Variants in PTPRG observed in about 807,000 individuals in gnomAD.
The protein encoded by PTPRG is receptor-type tyrosine-protein phosphatase gamma.
In PTPRG, 102 loss-of-function variants were observed where a neutral mutation model predicts 165.3. That is an observed-to-expected ratio of 0.62 (90% CI 0.53 to 0.73). The LOEUF is 0.73. Ranked by LOEUF, PTPRG falls within the 30% of genes least tolerant of loss-of-function variation. The pLI is 0.00. For missense variants in PTPRG, 1,866 were observed against 1,861.4 expected, an observed-to-expected ratio of 1.00 and a Z score of -0.05; for synonymous variants, 675 against 669.5, an observed-to-expected ratio of 1.01 and a Z score of -0.13.
intron 2 of PTPRG, among the ~76,000 whole-genome samples, chr3:61,893,313 T>A (rs1159996692): frequency 6.6e-6 from 1 of 152,228 alleles, no homozygotes; most frequent in Non-Finnish European, 1.5e-5. Flanking sequence ...CCAATTCCTT[T>A]GGTAATAAGT....
intron 1 of PTPRG, among the ~76,000 whole-genome samples, chr3:61,602,414 G>T (rs747726723): frequency 7.8e-4 from 118 of 152,092 alleles, no homozygotes; most frequent in Non-Finnish European, 3.7e-4. Context: ...GACCAGTCAA[G>T]TGTCCAGCTA....
chr3:62,187,560 G>A (rs1023622625), intron 8 of PTPRG, among the ~76,000 whole-genome samples: 7 of 152,218 alleles, frequency 4.6e-5, no homozygotes, highest in Non-Finnish European at 5.9e-5. Context: ...CATACTATCT[G>A]TGCTGCTTTG....
intron 1 of PTPRG, among the ~76,000 whole-genome samples, chr3:61,609,654 T>A (rs557438393): frequency 6.6e-6 from 1 of 152,006 alleles, no homozygotes; most frequent in African/African-American, 2.4e-5. Flanking sequence ...CCCAAGAGTT[T>A]GAGACTAGCC....
In PTPRG at chr3:62,064,216, A is replaced by G. The variant is rs573134977; in HGVS notation, c.520-13947A>G. 8.5e-5 allele frequency among the ~76,000 whole-genome samples: 13 copies of G among 152,316 alleles called. No individual in the cohort carries two copies. In the South Asian group the frequency reaches 1.7e-3, roughly 19 times the overall value. ...CCACCTTTCTTGGCCCCAAATGAAT[A>G]CAAGTCTTCTCCCCAGAGAAAACTA... On this transcript the variant is annotated intron_variant, in intron 4 of 29. Transcript: ENST00000474889.
chr3:61,565,311 A>G (rs1356422297), intron 1 of PTPRG, among the ~76,000 whole-genome samples: 1 of 152,214 alleles, frequency 6.6e-6, no homozygotes, highest in Non-Finnish European at 1.5e-5. Flanking sequence ...GAGTGTTACC[A>G]AACATGATAT....
chr3:61,991,064 C>T (rs2040876083), intron 3 of PTPRG, among the ~76,000 whole-genome samples: 1 of 152,192 alleles, frequency 6.6e-6, no homozygotes, highest in South Asian at 2.1e-4. Context: ...CGCAGTGATT[C>T]CTGGCTTTGG....
At chr3:62,134,175 T>A (rs1286386955) in intron 6 of PTPRG, among the ~76,000 whole-genome samples, 1 of 152,018 alleles carries the variant, frequency 6.6e-6, no homozygotes, top group Non-Finnish European at 1.5e-5. Flanking sequence ...CTGCTACATA[T>A]GGAAAAACGA....
intron 2 of PTPRG, among the ~76,000 whole-genome samples, chr3:61,926,384 C>T (rs144503383): frequency 6.6e-6 from 1 of 152,066 alleles, no homozygotes; most frequent in Non-Finnish European, 1.5e-5. Context: ...CCTCCCCCTC[C>T]TCTCTCTTGC....
intron 4 of PTPRG, among the ~76,000 whole-genome samples, chr3:62,057,867 C>T (rs1559771375): frequency 6.6e-6 from 1 of 152,142 alleles, no homozygotes; most frequent in Non-Finnish European, 1.5e-5. Flanking sequence ...GGAACAAAAA[C>T]AGGGTATTTC....
At chr3:61,983,206 T>G (rs1575849128) in intron 2 of PTPRG, among the ~76,000 whole-genome samples, 1 of 152,152 alleles carries the variant, frequency 6.6e-6, no homozygotes, top group Non-Finnish European at 1.5e-5. Flanking sequence ...AAGAAGTAAT[T>G]AAGCTATTAG....
At chr3:61,785,556 G>T (rs1481362428) in intron 2 of PTPRG, among the ~76,000 whole-genome samples, 4 of 152,040 alleles carry the variant, frequency 2.6e-5, no homozygotes, top group Non-Finnish European at 5.9e-5. Flanking sequence ...TTTATATTTT[G>T]CATCAGTCTT....
At chr3:62,153,633 A>C (rs1255721174) in intron 6 of PTPRG, among the ~76,000 whole-genome samples, 1 of 152,246 alleles carries the variant, frequency 6.6e-6, no homozygotes, top group African/African-American at 2.4e-5. Flanking sequence ...TAGAGGAATA[A>C]TAGTAAAAGT....
chr3:61,844,676 CT>C (rs1273468467), intron 2 of PTPRG, among the ~76,000 whole-genome samples: 36 of 147,518 alleles, frequency 2.4e-4, no homozygotes, highest in African/African-American at 8.9e-4. Context: ...TTTTTTCCCC[CT>C]GTTTGGTAGA....
At chr3:61,915,237 A>G (rs550267974) in intron 2 of PTPRG, among the ~76,000 whole-genome samples, 45 of 152,322 alleles carry the variant, frequency 3.0e-4, no homozygotes, top group Admixed American at 2.7e-3. Flanking sequence ...TCAAAAATAA[A>G]TAAATGAATA....
chr3:61,594,561 C>T (rs1212111045), intron 1 of PTPRG, among the ~76,000 whole-genome samples: 1 of 152,108 alleles, frequency 6.6e-6, no homozygotes, highest in Non-Finnish European at 1.5e-5. Context: ...CTCCTCCATC[C>T]AATCAGTTAT....
In PTPRG at chr3:61,811,114, C is replaced by G. The variant is rs72880456; in HGVS notation, c.190+62132C>G. 6.3e-3 allele frequency among the ~76,000 whole-genome samples: 959 copies of G among 152,216 alleles called. 9 individuals are homozygous for G. Among genetic ancestry groups the G allele is most frequent in the African/African-American group, 0.022 (927 of 41,496 alleles). ...ACTCTGCTGTGCCTCCCAATTAGGC[C>G]TGCTGTGGACATCTCACTTCTGGCT... On this transcript the variant is annotated intron_variant, in intron 2 of 29. Transcript: ENST00000474889.
intron 1 of PTPRG, among the ~76,000 whole-genome samples, chr3:61,671,635 G>A (rs1702992032): frequency 2.7e-5 from 4 of 148,498 alleles, no homozygotes; most frequent in Admixed American, 1.3e-4. Flanking sequence ...ATCATGGCCC[G>A]TTCTCAATGA....
At chr3:61,734,172 A>G (rs934657942) in intron 1 of PTPRG, among the ~76,000 whole-genome samples, 1 of 152,208 alleles carries the variant, frequency 6.6e-6, no homozygotes, top group Non-Finnish European at 1.5e-5. Flanking sequence ...TGCATTTTAC[A>G]AAGTGCTTTT....
In PTPRG at chr3:62,140,407, A is replaced by G. The variant is rs573485966; in HGVS notation, c.682+7739A>G. Among the ~76,000 whole-genome samples the G allele has an allele frequency of 2.0e-5, 3 of 152,340 alleles. No homozygotes were observed. In the South Asian group the frequency reaches 6.2e-4, roughly 32 times the overall value. ...TATAGAAGTTATAGACTGTTCATAC[A>G]ATGGAATATTATGCTGCACTTACAA... On this transcript the variant is annotated intron_variant, in intron 6 of 29. Transcript: ENST00000474889.
Sources: gnomAD v4.1 joint callset for allele counts (sites outside exome capture counted in the v4.1 genomes callset) on GRCh38, gnomAD v4.1.1 for gene constraint, MANE v1.5 for transcripts, NCBI Gene and HGNC (gene_info 2026-07-23, HGNC 2026-07-21) for gene names.